The following DOK6 variants were observed in gnomAD, a reference collection of about 807,000 sequenced individuals.
DOK6 encodes docking protein 6, also known as downstream of tyrosine kinase 6.
In DOK6, 22 loss-of-function variants were observed where a neutral mutation model predicts 44.0. The ratio of observed to expected loss-of-function variants is 0.50; its 90% confidence interval spans 0.36 to 0.71. DOK6 has a LOEUF of 0.71. Ranked by LOEUF, DOK6 falls within the 30% of genes least tolerant of loss-of-function variation. The pLI is 0.00. For synonymous variants in DOK6, 166 were observed against 145.5 expected, an observed-to-expected ratio of 1.14 and a Z score of -1.01; for missense variants, 340 against 416.4, an observed-to-expected ratio of 0.82 and a Z score of 1.60.
At chr18:69,475,073 A>G (rs919457459) in intron 1 of DOK6, among the ~76,000 whole-genome samples, 2 of 152,216 alleles carry the variant, frequency 1.3e-5, no homozygotes, top group Non-Finnish European at 2.9e-5. Context: ...CATATCAAGA[A>G]AAAAACTCAC....
At position 69,768,954 on chromosome 18, in the gene DOK6, C is replaced by CGTGTGTGTGTGTGTGTGTGTGTGTGT. The variant is rs61202412; in HGVS notation, c.856+11084_856+11109dup. On this transcript the variant is annotated intron_variant, in intron 7 of 7. Coordinates refer to ENST00000382713, the MANE Select transcript of DOK6 (RefSeq NM_152721.6). ...TTTATGCTAAGATTTGAAGGGTGTG[C>CGTGTGTGTGTGTGTGTGTGTGTGTGT]GTGTGTGTGTGTGTGTGTGTGTGTG... Among the ~76,000 whole-genome samples, 589 of 142,682 alleles carry CGTGTGTGTGTGTGTGTGTGTGTGTGT rather than the reference C, an allele frequency of 4.1e-3. 15 individuals carry two copies. The highest frequency in any genetic ancestry group is 7.1e-3 in the Non-Finnish European group (465 of 65,490). 93.6% of individuals were successfully genotyped at this position (142,682 alleles called of 152,430 possible). A position where few individuals can be genotyped will look rare whatever the true frequency, so the allele number is the denominator to read the frequency against.
At chr18:69,711,967 T>C (rs1220754171) in intron 5 of DOK6, among the ~76,000 whole-genome samples, 2 of 152,108 alleles carry the variant, frequency 1.3e-5, no homozygotes, top group African/African-American at 4.8e-5. Flanking sequence ...TGATTAATCA[T>C]TCTCTATACT....
chr18:69,494,812 G>C (rs1980835175), intron 1 of DOK6, among the ~76,000 whole-genome samples: 1 of 152,092 alleles, frequency 6.6e-6, no homozygotes, highest in Non-Finnish European at 1.5e-5. Flanking sequence ...TAATCATACT[G>C]TTGCAGGATC....
chr18:69,699,894 G>A lies in DOK6; in HGVS notation c.599+1301G>A, dbSNP rs545508479. On this transcript the variant is annotated intron_variant, in intron 5 of 7. Coordinates refer to ENST00000382713, the MANE Select transcript of DOK6 (RefSeq NM_152721.6). ...ACCCAAGACTGGGCAATTCACCAAA[G>A]GAAGAGGTTTAATGGACTCACAGTC... Among the ~76,000 whole-genome samples the A allele has an allele frequency of 4.6e-5, 7 of 152,158 alleles. No individual in the cohort carries two copies. The South Asian group carries it at 8.3e-4, about 18-fold the overall frequency.
intron 1 of DOK6, among the ~76,000 whole-genome samples, chr18:69,515,550 A>G (rs546066633): frequency 2.2e-4 from 33 of 152,218 alleles, no homozygotes; most frequent in Non-Finnish European, 4.4e-4. Flanking sequence ...CATAAAAGCT[A>G]TTTTTAATAT....
chr18:69,736,250 G>C (rs1486546014), intron 5 of DOK6, among the ~76,000 whole-genome samples: 1 of 152,102 alleles, frequency 6.6e-6, no homozygotes, highest in African/African-American at 2.4e-5. Context: ...GAGCATTGTG[G>C]TTGAAATCGG....
intron 4 of DOK6, among the ~76,000 whole-genome samples, chr18:69,686,737 GATAAT>G (rs143085799): frequency 0.17 from 26,523 of 151,862 alleles, 2,544 homozygotes; most frequent in Admixed American, 0.28. Flanking sequence ...AATAAAACAA[GATAAT>G]ATAAGACACT....
At position 69,401,421 on chromosome 18, in the gene DOK6, C is replaced by T; in HGVS notation, c.66+111C>T. 3 of 1,234,930 alleles carry T rather than the reference C, an allele frequency of 2.4e-6. No homozygotes were observed. The Admixed American group carries it at 1.2e-4, about 48-fold the overall frequency. The allele number at this position is 1,234,930 out of a possible 1,614,324, so 76.5% of individuals were successfully genotyped here. On this transcript the variant is annotated intron_variant, in intron 1 of 7. Coordinates refer to ENST00000382713, the MANE Select transcript of DOK6 (RefSeq NM_152721.6). Reference sequence around the variant, plus strand: ...GTGCGGGTACAGGGCAGAGAGGGACCCGGCCCTTAGGCGGATGGCCCGCTT... The same window carrying T: ...GTGCGGGTACAGGGCAGAGAGGGACTCGGCCCTTAGGCGGATGGCCCGCTT...
At chr18:69,593,609 C>G (rs1983671824) in intron 2 of DOK6, among the ~76,000 whole-genome samples, 1 of 152,074 alleles carries the variant, frequency 6.6e-6, no homozygotes, top group Non-Finnish European at 1.5e-5. Context: ...TGTGTTTGAC[C>G]TACATCATCT....
chr18:69,463,857 A>G (rs916535421), intron 1 of DOK6, among the ~76,000 whole-genome samples: 1 of 152,056 alleles, frequency 6.6e-6, no homozygotes, highest in Non-Finnish European at 1.5e-5. Context: ...TTTAGATTTT[A>G]TGGCACTATG....
chr18:69,464,167 A>G (rs1979864825), intron 1 of DOK6, among the ~76,000 whole-genome samples: 1 of 152,202 alleles, frequency 6.6e-6, no homozygotes, highest in East Asian at 1.9e-4. Context: ...TTGTTTTCAT[A>G]AACATGTCTG....
intron 5 of DOK6, 141 bp from the exon 6 acceptor site, chr18:69,738,824 G>A (rs1351768972): frequency 1.0e-6 from 1 of 991,168 alleles, no homozygotes; most frequent in Admixed American, 2.4e-5. Context: ...TGGTTGGTTT[G>A]GTTACGGCTG....
At chr18:69,631,918 A>T (rs1247993453) in intron 3 of DOK6, among the ~76,000 whole-genome samples, 2 of 152,110 alleles carry the variant, frequency 1.3e-5, no homozygotes, top group South Asian at 2.1e-4. Context: ...AGTCACATTG[A>T]CTCTATCTGA....
intron 2 of DOK6, among the ~76,000 whole-genome samples, chr18:69,593,378 GAA>G (rs200705446): frequency 1.5e-5 from 2 of 131,094 alleles, no homozygotes; most frequent in African/African-American, 2.8e-5. Context: ...TCTCTTAAAA[GAA>G]AAAAAAAAAA....
intron 7 of DOK6, among the ~76,000 whole-genome samples, chr18:69,793,233 A>G (rs2145099185): frequency 6.6e-6 from 1 of 152,264 alleles, no homozygotes; most frequent in South Asian, 2.1e-4. Flanking sequence ...AGTTTATAGA[A>G]TTTTTGAAAC....
intron 7 of DOK6, among the ~76,000 whole-genome samples, chr18:69,803,326 A>C (rs1980957449): frequency 6.6e-6 from 1 of 152,168 alleles, no homozygotes; most frequent in South Asian, 2.1e-4. Context: ...ATGGTTTCCC[A>C]ATCACTACAT....
chr18:69,461,541 T>G (rs965773942), intron 1 of DOK6, among the ~76,000 whole-genome samples: 8 of 152,184 alleles, frequency 5.3e-5, no homozygotes, highest in African/African-American at 1.9e-4. Flanking sequence ...CCTCCCAGCT[T>G]TTCTCTGAAT....
At chr18:69,700,088 C>T (rs1028545903) in intron 5 of DOK6, among the ~76,000 whole-genome samples, 1 of 151,958 alleles carries the variant, frequency 6.6e-6, no homozygotes, top group East Asian at 1.9e-4. Context: ...GGAGGAACTG[C>T]CCCCATGATT....
intron 1 of DOK6, among the ~76,000 whole-genome samples, chr18:69,418,950 C>G (rs1046325303): frequency 6.6e-6 from 1 of 152,040 alleles, no homozygotes; most frequent in African/African-American, 2.4e-5. Context: ...TTATGGTTCT[C>G]TCTTTTGAAT....
Sources: gnomAD v4.1 joint callset for allele counts (sites outside exome capture counted in the v4.1 genomes callset) on GRCh38, gnomAD v4.1.1 for gene constraint, MANE v1.5 for transcripts, NCBI Gene and HGNC (gene_info 2026-07-23, HGNC 2026-07-21) for gene names.